Variants in FMNL3 observed in about 807,000 individuals in gnomAD.
FMNL3 encodes formin-like protein 3.
A neutral mutation model predicts 119.6 loss-of-function variants in FMNL3; 57 were observed. That is an observed-to-expected ratio of 0.48 (90% CI 0.39 to 0.59). The LOEUF (loss-of-function observed/expected upper bound fraction) is 0.59, where lower values mean the gene tolerates loss of function less well. Ranked by LOEUF, FMNL3 falls within the 20% of genes least tolerant of loss-of-function variation. The pLI, the probability that FMNL3 is intolerant of heterozygous loss-of-function variation, is 0.00. For missense variants in FMNL3, 1,053 were observed against 1,323.5 expected, an observed-to-expected ratio of 0.80 and a Z score of 3.17; for synonymous variants, 491 against 507.3, an observed-to-expected ratio of 0.97 and a Z score of 0.43.
Position 49,707,137 on chromosome 12 carries a change from G to A in FMNL3, c.44C>T (p.Pro15Leu), listed in dbSNP as rs569327580. 1 of 1,600,120 alleles carries A rather than the reference G, an allele frequency of 6.2e-7. No homozygotes were observed. The highest frequency in any genetic ancestry group is 1.7e-5 in the Admixed American group (1 of 58,644). Residue 15 changes from proline (P) to leucine (L), a missense_variant, in exon 1 of 26, where the codon CCC becomes CTC. This residue lies in a region of FMNL3 where 264 missense variants were observed against 265.5 expected (regional missense o/e 0.99). Transcript: ENST00000335154. ...ESAEGVPGEP[P>L]SVPLLLPPGK... ...GGGCGGCAGCAACAACGGGACAGAG[G>A]GGGGCTCTCCCGGGACCCCCTCGGC...
intron 1 of FMNL3, among the ~76,000 whole-genome samples, chr12:49,696,559 C>T (rs1323898640): frequency 6.6e-6 from 1 of 152,178 alleles, no homozygotes; most frequent in Non-Finnish European, 1.5e-5. Flanking sequence ...AGTACATGCA[C>T]AATTTTTTCA....
At position 49,637,743 on chromosome 12, in the gene FMNL3, T is replaced by G; in HGVS notation, c.*8072A>C. On this transcript the variant is annotated 3_prime_UTR_variant, in exon 26 of 26. Transcript: ENST00000335154. ...CCTCCCTCCTTACAGGCTCCACCCCTCTGGACTTATTCAAGTTCTATGTGG... is the reference window on the plus strand; with the variant it reads ...CCTCCCTCCTTACAGGCTCCACCCCGCTGGACTTATTCAAGTTCTATGTGG... The G allele has an allele frequency of 1.7e-6, 2 of 1,187,188 alleles. No individual in the cohort carries two copies. The highest frequency in any genetic ancestry group is 2.3e-6 in the Non-Finnish European group (2 of 871,026). 73.5% of individuals were successfully genotyped at this position (1,187,188 alleles called of 1,614,324 possible).
chr12:49,668,318 T>C (rs1943947008), intron 2 of FMNL3, among the ~76,000 whole-genome samples, 153 bp downstream of exon 2: 1 of 152,182 alleles, frequency 6.6e-6, no homozygotes, highest in Non-Finnish European at 1.5e-5. Flanking sequence ...GTTATGAGAA[T>C]CCTCTTGGAA....
chr12:49,661,875 T>A (rs1016185320), intron 5 of FMNL3, 91 bp downstream of exon 5: 3 of 1,218,582 alleles, frequency 2.5e-6, no homozygotes, highest in Non-Finnish European at 3.6e-6. Flanking sequence ...TCCATCTTCA[T>A]TGTTGAACTC....
In FMNL3 at chr12:49,643,817, G is replaced by C; in HGVS notation, c.*1998C>G. On this transcript the variant is annotated 3_prime_UTR_variant, in exon 26 of 26. Transcript: ENST00000335154. Reference sequence around the variant, plus strand: ...TGAGTTCTGTTCTACCTGCCTCCCAGGCTATCCACAGGAACTGAGGAGGTG... The same window carrying C: ...TGAGTTCTGTTCTACCTGCCTCCCACGCTATCCACAGGAACTGAGGAGGTG... 1 of 1,613,916 alleles carries C rather than the reference G, an allele frequency of 6.2e-7. No homozygotes were observed. Among genetic ancestry groups the C allele is most frequent in the Non-Finnish European group, 8.5e-7 (1 of 1,179,928 alleles).
chr12:49,641,466 A>G lies in FMNL3; in HGVS notation c.*4349T>C, dbSNP rs895182067. 6.7e-5 allele frequency: 11 copies of G among 164,672 alleles called. No individual in the cohort carries two copies. The highest frequency in any genetic ancestry group is 2.2e-4 in the African/African-American group (9 of 41,726). 10.2% of individuals were successfully genotyped at this position (164,672 alleles called of 1,614,324 possible). On this transcript the variant is annotated 3_prime_UTR_variant, in exon 26 of 26. Coordinates refer to ENST00000335154, the MANE Select transcript of FMNL3 (RefSeq NM_175736.5). ...TCTTAAATGTAGAACCAAGAGGATT[A>G]AATGAGATAATGTGTGAAACACTCA...
At chr12:49,648,118 AAT>A in intron 22 of FMNL3, 73 bp downstream of exon 22, 3 of 1,486,840 alleles carry the variant, frequency 2.0e-6, no homozygotes, top group South Asian at 2.7e-5. Context: ...AAAAAAAAAA[AAT>A]AGAACTAGGG....
intron 2 of FMNL3, among the ~76,000 whole-genome samples, chr12:49,667,233 G>A (rs1031224516): frequency 2.0e-5 from 3 of 151,812 alleles, no homozygotes; most frequent in Admixed American, 6.6e-5. Flanking sequence ...CCAGGAGAAT[G>A]ATATAATGTT....
chr12:49,691,729 T>TC (rs559968208), intron 1 of FMNL3, among the ~76,000 whole-genome samples: 202 of 151,708 alleles, frequency 1.3e-3, no homozygotes, highest in South Asian at 0.012. Context: ...GCCTTTTTTT[T>TC]CCCCCCATTA....
rs1943229983 is a variant in FMNL3, at chr12:49,647,200, C to T, written c.2871+76G>A. 1.3e-6 allele frequency: 2 copies of T among 1,588,258 alleles called. No individual in the cohort carries two copies. Among genetic ancestry groups the T allele is most frequent in the Middle Eastern group, 1.7e-4 (1 of 6,004 alleles). On this transcript the variant is annotated intron_variant, in intron 24 of 25. Transcript: ENST00000335154. The surrounding 1 kb of genome is among the most constrained non-coding windows in gnomAD (Gnocchi z 4.9). Reference sequence around the variant, plus strand: ...GTCTGTCCACTCCAAGTTTTCATCTCCTCTAGCCTTCTGACCCCCAGCCCC... The same window carrying T: ...GTCTGTCCACTCCAAGTTTTCATCTTCTCTAGCCTTCTGACCCCCAGCCCC...
intron 1 of FMNL3, among the ~76,000 whole-genome samples, chr12:49,680,973 C>A (rs941176572): frequency 6.6e-6 from 1 of 152,244 alleles, no homozygotes; most frequent in African/African-American, 2.4e-5. Context: ...CTTTTTCTAA[C>A]TTGAGAAGGT....
intron 13 of FMNL3, 141 bp downstream of exon 13, chr12:49,653,085 C>T (rs1223063895): frequency 2.0e-5 from 15 of 748,176 alleles, no homozygotes; most frequent in Non-Finnish European, 3.1e-5. Flanking sequence ...AAATCATCAG[C>T]CCACCCACAC....
intron 13 of FMNL3, 76 bp downstream of exon 13, chr12:49,653,150 C>T: frequency 1.5e-6 from 2 of 1,329,936 alleles, no homozygotes; most frequent in Non-Finnish European, 2.2e-6. Flanking sequence ...TGATATGACT[C>T]AGGGAAAAAA....
intron 1 of FMNL3, among the ~76,000 whole-genome samples, chr12:49,694,868 C>T (rs1030283505): frequency 6.6e-6 from 1 of 151,928 alleles, no homozygotes; most frequent in African/African-American, 2.4e-5. Flanking sequence ...GCCGAGATTG[C>T]GCCACTGCAC....
chr12:49,654,072 A>C (rs1310587556), intron 11 of FMNL3, 120 bp downstream of exon 11: 2 of 1,175,986 alleles, frequency 1.7e-6, no homozygotes, highest in Non-Finnish European at 2.4e-6. Context: ...CCCAGGCTAC[A>C]GAAGACAGGC....
Position 49,644,207 on chromosome 12 carries a change from C to T in FMNL3, c.*1608G>A, listed in dbSNP as rs775173249. The T allele has an allele frequency of 8.1e-6, 13 of 1,613,742 alleles. No homozygotes were observed. Among genetic ancestry groups the T allele is most frequent in the Admixed American group, 3.3e-5 (2 of 60,000 alleles). On this transcript the variant is annotated 3_prime_UTR_variant, in exon 26 of 26. Coordinates refer to ENST00000335154, the MANE Select transcript of FMNL3 (RefSeq NM_175736.5). ...ATCACCAGTGACCCAATGAGCTGTT[C>T]TCTGCCTCGGGTCTGTGTGAGGCCA...
intron 1 of FMNL3, among the ~76,000 whole-genome samples, chr12:49,705,967 C>T (rs1203698981): frequency 6.6e-6 from 1 of 151,970 alleles, no homozygotes; most frequent in South Asian, 2.1e-4. Flanking sequence ...AAGTCCACAA[C>T]TTATCCCTCC....
chr12:49,639,266 C>T lies in FMNL3; in HGVS notation c.*6549G>A, dbSNP rs1418354395. On this transcript the variant is annotated 3_prime_UTR_variant, in exon 26 of 26. Coordinates refer to ENST00000335154, the MANE Select transcript of FMNL3 (RefSeq NM_175736.5). ...GAGCAGTTCTTGAAGCCTCAAGATACTAAAACTGATAGTGGTAATTCAAAT... is the reference window on the plus strand; with the variant it reads ...GAGCAGTTCTTGAAGCCTCAAGATATTAAAACTGATAGTGGTAATTCAAAT... The T allele has an allele frequency of 1.3e-5, 2 of 152,192 alleles. No individual in the cohort carries two copies. The highest frequency in any genetic ancestry group is 2.4e-5 in the African/African-American group (1 of 41,434). 9.4% of individuals were successfully genotyped at this position (152,192 alleles called of 1,614,324 possible).
rs921288989 is a variant in FMNL3 at position 49,639,846 on chromosome 12, G to A, written c.*5969C>T. On this transcript the variant is annotated 3_prime_UTR_variant, in exon 26 of 26. Transcript: ENST00000335154. ...AAGAAGAGCAAGGCTGTAGAAAATA[G>A]GAATTCTATTTGGGGAATTACTCTC... is the stretch of plus-strand genomic sequence containing the variant. 2 of 152,290 alleles carry A rather than the reference G, an allele frequency of 1.3e-5. No individual in the cohort carries two copies. Among genetic ancestry groups the A allele is most frequent in the African/African-American group, 4.8e-5 (2 of 41,544 alleles). The allele number at this position is 152,290 out of a possible 1,614,324, so 9.4% of individuals were successfully genotyped here.
Sources: gnomAD v4.1 joint callset for allele counts (sites outside exome capture counted in the v4.1 genomes callset) on GRCh38, gnomAD v4.1.1 for gene constraint, gnomAD v4.1.1 regional missense constraint, Gnocchi (gnomAD v3.1) non-coding constraint, MANE v1.5 for transcripts, NCBI Gene and HGNC (gene_info 2026-07-23, HGNC 2026-07-21) for gene names.